Variants in SHB observed in about 807,000 individuals in gnomAD.
SHB encodes SH2 domain-containing adapter protein B.
Under a neutral mutation model 52.3 loss-of-function variants are expected in SHB, and 20 were observed. The observed-to-expected ratio is 0.38, with a 90% CI of 0.27 to 0.56. The LOEUF is 0.56. Ranked by LOEUF, SHB falls within the 20% of genes least tolerant of loss-of-function variation. The pLI is 0.71. For synonymous variants in SHB, 397 were observed against 316.5 expected, an observed-to-expected ratio of 1.25 and a Z score of -2.70; for missense variants, 825 against 723.3, an observed-to-expected ratio of 1.14 and a Z score of -1.61.
intron 5 of SHB, among the ~76,000 whole-genome samples, chr9:37,930,041 G>A (rs1564081190): frequency 6.6e-6 from 1 of 152,194 alleles, no homozygotes. Context: ...GGCTGAGGCT[G>A]TAGTGAGTTG....
rs544173034 is a variant in SHB at position 37,964,985 on chromosome 9, C to A, written c.1055-8931G>T. Among the ~76,000 whole-genome samples the A allele has an allele frequency of 1.1e-4, 16 of 152,346 alleles. No homozygotes were observed. The South Asian group carries it at 3.3e-3, about 32-fold the overall frequency. On this transcript the variant is annotated intron_variant, in intron 3 of 5. Coordinates refer to ENST00000377707, the MANE Select transcript of SHB (RefSeq NM_003028.3). ...ACGTCTGATACAGTATGTCTCCCGA[C>A]ACTTTCACCTGCAGACACCCACAGA...
At chr9:38,055,075 C>T (rs1030693676) in intron 1 of SHB, among the ~76,000 whole-genome samples, 2 of 152,118 alleles carry the variant, frequency 1.3e-5, no homozygotes, top group Non-Finnish European at 2.9e-5. Flanking sequence ...GGGATGGGAG[C>T]CTAGGAAACT....
chr9:38,028,829 A>G (rs1326173118), intron 1 of SHB, among the ~76,000 whole-genome samples: 2 of 152,254 alleles, frequency 1.3e-5, no homozygotes, highest in Non-Finnish European at 2.9e-5. Flanking sequence ...TCCATAGAAA[A>G]AGGACCAGAA....
chr9:38,047,485 G>T (rs1821671634), intron 1 of SHB, among the ~76,000 whole-genome samples: 1 of 152,252 alleles, frequency 6.6e-6, no homozygotes. Flanking sequence ...GAATGGCCCT[G>T]CCTGCCTCCA....
chr9:38,032,880 G>A (rs536706667), intron 1 of SHB, among the ~76,000 whole-genome samples: 10 of 152,368 alleles, frequency 6.6e-5, no homozygotes, highest in African/African-American at 2.4e-4. Context: ...GCCAGGCAGA[G>A]GAGGGAATGA....
intron 1 of SHB, among the ~76,000 whole-genome samples, chr9:38,059,766 C>T (rs1379376942): frequency 6.6e-6 from 1 of 152,136 alleles, no homozygotes; most frequent in African/African-American, 2.4e-5. Flanking sequence ...GCACTGGCCT[C>T]AACACAAGGT....
chr9:38,016,595 C>A (rs925372033), intron 1 of SHB, among the ~76,000 whole-genome samples: 3 of 152,176 alleles, frequency 2.0e-5, no homozygotes, highest in Admixed American at 2.0e-4. Context: ...ATAATTAGCT[C>A]GGCGTTCCAT....
intron 1 of SHB, among the ~76,000 whole-genome samples, chr9:38,038,676 C>T (rs1222057496): frequency 2.0e-5 from 3 of 152,238 alleles, no homozygotes; most frequent in East Asian, 1.9e-4. Flanking sequence ...CCAGTGCCTC[C>T]TTCCCCAGGA....
In SHB at chr9:38,026,759, C is replaced by T. The variant is rs542890961; in HGVS notation, c.718-10628G>A. ...CACAGGCCTGTTTCTCACATGTACT[C>T]GGCGCTTTCTAATGTACAGGAAACT... On this transcript the variant is annotated intron_variant, in intron 1 of 5. Coordinates refer to ENST00000377707, the MANE Select transcript of SHB (RefSeq NM_003028.3). Among the ~76,000 whole-genome samples, 36 of 152,326 alleles carry T rather than the reference C, an allele frequency of 2.4e-4. No homozygotes were observed. The South Asian group carries it at 5.4e-3, about 23-fold the overall frequency.
chr9:37,918,859 A>G lies in SHB; in HGVS notation c.*962T>C, dbSNP rs894630101. 6.6e-6 allele frequency among the ~76,000 whole-genome samples: 1 copy of G among 152,146 alleles called. No homozygotes were observed. Among genetic ancestry groups the G allele is most frequent in the South Asian group, 2.1e-4 (1 of 4,830 alleles). The stretch of plus-strand genomic sequence containing the variant: ...GGGAAAGACTGGTTTTTTGGTCAAC[A>G]CTGGAGGCTCCTGACTATGTCCACT... On this transcript the variant is annotated 3_prime_UTR_variant, in exon 6 of 6. Coordinates refer to ENST00000377707, the MANE Select transcript of SHB (RefSeq NM_003028.3).
intron 4 of SHB, among the ~76,000 whole-genome samples, chr9:37,953,639 C>T (rs1008703091): frequency 2.6e-5 from 4 of 152,210 alleles, no homozygotes; most frequent in East Asian, 1.9e-4. Context: ...ATGGCCACCC[C>T]GTGTGACCTG....
chr9:37,941,688 T>C (rs942761349), intron 5 of SHB, among the ~76,000 whole-genome samples: 1 of 152,184 alleles, frequency 6.6e-6, no homozygotes, highest in African/African-American at 2.4e-5. Context: ...TACAGTGACC[T>C]ACTAAGTCCA....
intron 1 of SHB, among the ~76,000 whole-genome samples, chr9:38,055,440 CG>C (rs1164444314): frequency 6.6e-6 from 1 of 152,120 alleles, no homozygotes; most frequent in East Asian, 1.9e-4. Flanking sequence ...GGGCCGAAAA[CG>C]GTGGGGTGCA....
At position 37,919,326 on chromosome 9, in the gene SHB, T is replaced by C. The variant is rs929846933; in HGVS notation, c.*495A>G. 1.2e-5 allele frequency: 2 copies of C among 161,414 alleles called. No individual in the cohort carries two copies. Among genetic ancestry groups the C allele is most frequent in the African/African-American group, 2.4e-5 (1 of 41,554 alleles). 10.0% of individuals were successfully genotyped at this position (161,414 alleles called of 1,614,324 possible). A position where few individuals can be genotyped will look rare whatever the true frequency, so the allele number is the denominator to read the frequency against. On this transcript the variant is annotated 3_prime_UTR_variant, in exon 6 of 6. Coordinates refer to ENST00000377707, the MANE Select transcript of SHB (RefSeq NM_003028.3). ...ACACACACTCACACAGACACACATATACACACCAGCGGGGCGGGAACCCCG... is the reference window on the plus strand; with the variant it reads ...ACACACACTCACACAGACACACATACACACACCAGCGGGGCGGGAACCCCG...
intron 4 of SHB, among the ~76,000 whole-genome samples, chr9:37,952,327 G>C (rs1198281968): frequency 1.3e-5 from 2 of 152,210 alleles, no homozygotes; most frequent in East Asian, 3.9e-4. Context: ...CAATCGTGAA[G>C]AGCCAAAGAA....
At chr9:37,951,849 G>C (rs968024145) in intron 4 of SHB, among the ~76,000 whole-genome samples, 1 of 152,274 alleles carries the variant, frequency 6.6e-6, no homozygotes, top group African/African-American at 2.4e-5. Context: ...GCACTGGCCA[G>C]CCTGTCAGCA....
intron 1 of SHB, among the ~76,000 whole-genome samples, chr9:38,031,459 C>T (rs1284943684): frequency 6.6e-6 from 1 of 152,148 alleles, no homozygotes; most frequent in Non-Finnish European, 1.5e-5. Context: ...AAACCCCTAA[C>T]CGTCCATTTT....
intron 2 of SHB, among the ~76,000 whole-genome samples, chr9:37,983,849 C>A (rs989794679): frequency 1.3e-4 from 20 of 152,330 alleles, no homozygotes; most frequent in African/African-American, 4.3e-4. Context: ...TGGAATGATG[C>A]ACTTGCCACT....
In SHB at chr9:37,918,307, G is replaced by A. The variant is rs190956400; in HGVS notation, c.*1514C>T. On this transcript the variant is annotated 3_prime_UTR_variant, in exon 6 of 6. Transcript: ENST00000377707. Reference sequence around the variant, plus strand: ...GAGCTGAGAAACTCTTAGCCTCATCGGGGCTGCCTGGCCTGTGTGGGAGGA... The same window carrying A: ...GAGCTGAGAAACTCTTAGCCTCATCAGGGCTGCCTGGCCTGTGTGGGAGGA... Among the ~76,000 whole-genome samples, 18 of 152,350 alleles carry A rather than the reference G, an allele frequency of 1.2e-4. No individual in the cohort carries two copies. The South Asian group carries it at 2.5e-3, about 21-fold the overall frequency.
Sources: gnomAD v4.1 joint callset for allele counts (sites outside exome capture counted in the v4.1 genomes callset) on GRCh38, gnomAD v4.1.1 for gene constraint, MANE v1.5 for transcripts, NCBI Gene and HGNC (gene_info 2026-07-23, HGNC 2026-07-21) for gene names.